MAGI2: variants seen among roughly 807,000 people sequenced by gnomAD.
MAGI2 encodes membrane-associated guanylate kinase, WW and PDZ domain-containing protein 2.
MAGI2 carries 35 observed loss-of-function variants against 133.3 expected under a neutral mutation model. That is an observed-to-expected ratio of 0.26 (90% CI 0.20 to 0.35). MAGI2 has a LOEUF of 0.35. MAGI2 is among the 10% of genes least tolerant of loss of function. The pLI is 1.00. For missense variants in MAGI2, 1,636 were observed against 1,863.4 expected, an observed-to-expected ratio of 0.88 and a Z score of 2.25; for synonymous variants, 729 against 710.6, an observed-to-expected ratio of 1.03 and a Z score of -0.41.
chr7:78,019,802 ACGT>A lies in MAGI2; in HGVS notation c.3878_3880del (p.Asp1293del), dbSNP rs1434001522. ...GGCTGAAAGCTCCTTTGGTTTCCTA[ACGT>A]CGTGTTCCCGTTTGATATCCCAAGT... On this transcript the variant is annotated inframe_deletion, in exon 22 of 22. Coordinates refer to ENST00000354212, the MANE Select transcript of MAGI2 (RefSeq NM_012301.4). The A allele has an allele frequency of 1.2e-6, 2 of 1,613,062 alleles. No individual in the cohort carries two copies. Among genetic ancestry groups the A allele is most frequent in the African/African-American group, 2.7e-5 (2 of 74,862 alleles).
At chr7:78,153,414 C>T (rs1177435490) in intron 16 of MAGI2, among the ~76,000 whole-genome samples, 1 of 152,168 alleles carries the variant, frequency 6.6e-6, no homozygotes, top group South Asian at 2.1e-4. Context: ...GGGACTGCCT[C>T]TTGCTGCCAT....
At chr7:78,920,097 A>C (rs1799113402) in intron 2 of MAGI2, among the ~76,000 whole-genome samples, 1 of 152,106 alleles carries the variant, frequency 6.6e-6, no homozygotes, top group African/African-American at 2.4e-5. Context: ...ATTTTTACTA[A>C]GCCTCTATGA....
intron 2 of MAGI2, among the ~76,000 whole-genome samples, chr7:78,678,842 T>C (rs190063230): frequency 1.3e-5 from 2 of 152,264 alleles, no homozygotes; most frequent in East Asian, 3.9e-4. Flanking sequence ...GTCTCTTGTT[T>C]TATTTTTGAA....
chr7:78,592,473 A>T (rs1188382299), intron 3 of MAGI2, among the ~76,000 whole-genome samples: 1 of 152,146 alleles, frequency 6.6e-6, no homozygotes, highest in Non-Finnish European at 1.5e-5. Flanking sequence ...GAGCAAGGGG[A>T]TAGAAGGCCC....
At chr7:79,082,047 C>T (rs1183631056) in intron 1 of MAGI2, among the ~76,000 whole-genome samples, 2 of 151,974 alleles carry the variant, frequency 1.3e-5, no homozygotes, top group Non-Finnish European at 2.9e-5. Flanking sequence ...CAAATGTTTG[C>T]TCATTTGTTA....
In MAGI2 at chr7:78,243,253, ACACACACACACACACACTCTCT is replaced by A. The variant is rs764905089; in HGVS notation, c.2047+12668_2047+12689del. On this transcript the variant is annotated intron_variant, in intron 10 of 21. Transcript: ENST00000354212. ...CACACACACACACACACACACACAC[ACACACACACACACACACTCTCT>A]CTCTCTCTCTCTTATAAAACAAATG... 3.8e-3 allele frequency among the ~76,000 whole-genome samples: 155 copies of A among 41,008 alleles called. 1 individual carries two copies. Among genetic ancestry groups the A allele is most frequent in the Non-Finnish European group, 7.3e-3 (110 of 14,968 alleles). The allele number at this position is 41,008 out of a possible 152,430, so 26.9% of individuals were successfully genotyped here.
At chr7:78,792,907 T>C (rs1487937408) in intron 2 of MAGI2, among the ~76,000 whole-genome samples, 2 of 152,254 alleles carry the variant, frequency 1.3e-5, no homozygotes, top group Non-Finnish European at 2.9e-5. Context: ...GAATTTATAC[T>C]TCAAAACAGA....
chr7:78,214,391 C>T (rs569496689), intron 10 of MAGI2, among the ~76,000 whole-genome samples: 1 of 152,302 alleles, frequency 6.6e-6, no homozygotes, highest in East Asian at 1.9e-4. Context: ...ATGCCATCCT[C>T]CATTTAAAAA....
intron 1 of MAGI2, among the ~76,000 whole-genome samples, chr7:79,070,313 C>CT (rs1814835160): frequency 6.6e-6 from 1 of 151,658 alleles, no homozygotes; most frequent in African/African-American, 2.4e-5. Context: ...TCTTTTCATT[C>CT]TTTTTTCTCT....
At chr7:78,266,697 C>T (rs1794048279) in intron 9 of MAGI2, among the ~76,000 whole-genome samples, 1 of 151,950 alleles carries the variant, frequency 6.6e-6, no homozygotes, top group Non-Finnish European at 1.5e-5. Flanking sequence ...CCTGTCTCAG[C>T]CTCCCGAGTA....
At chr7:78,736,349 C>A (rs764256152) in intron 2 of MAGI2, among the ~76,000 whole-genome samples, 2 of 152,144 alleles carry the variant, frequency 1.3e-5, no homozygotes, top group East Asian at 3.9e-4. Context: ...ACTTTAGCGA[C>A]GCTCTGCCTG....
chr7:78,160,486 G>A (rs1824866256), intron 15 of MAGI2, among the ~76,000 whole-genome samples: 1 of 152,194 alleles, frequency 6.6e-6, no homozygotes, highest in African/African-American at 2.4e-5. Flanking sequence ...ATAGCAAACA[G>A]AGGTGAAACC....
intron 1 of MAGI2, among the ~76,000 whole-genome samples, chr7:79,324,526 C>CAT (rs72246651): frequency 0.96 from 31,083 of 32,250 alleles, 15,234 homozygotes; most frequent in Middle Eastern, 1. Flanking sequence ...ATATATACAC[C>CAT]ATATATATAT....
chr7:78,854,703 A>G (rs1793473385), intron 2 of MAGI2, among the ~76,000 whole-genome samples: 1 of 146,278 alleles, frequency 6.8e-6, no homozygotes, highest in Non-Finnish European at 1.5e-5. Context: ...TGAAATTTCC[A>G]TTTTCCCAAG....
intron 9 of MAGI2, among the ~76,000 whole-genome samples, chr7:78,260,237 A>G (rs1793386066): frequency 6.6e-6 from 1 of 152,228 alleles, no homozygotes. Context: ...ATATTAATAG[A>G]CTGTGCTGTA....
chr7:78,306,699 G>A (rs769323676), intron 9 of MAGI2, among the ~76,000 whole-genome samples: 1 of 152,138 alleles, frequency 6.6e-6, no homozygotes, highest in Non-Finnish European at 1.5e-5. Flanking sequence ...AATGTTGGAA[G>A]TTCTGGGAAA....
chr7:79,051,471 A>G (rs983410652), intron 1 of MAGI2, among the ~76,000 whole-genome samples: 4 of 152,208 alleles, frequency 2.6e-5, no homozygotes, highest in Admixed American at 2.6e-4. Flanking sequence ...TCAGTGCAAC[A>G]TGTGAAACTA....
intron 21 of MAGI2, among the ~76,000 whole-genome samples, chr7:78,058,454 A>G (rs1209755404): frequency 6.7e-6 from 1 of 148,760 alleles, no homozygotes; most frequent in African/African-American, 2.5e-5. Flanking sequence ...CACTATTTGA[A>G]TGTTCACATA....
At chr7:78,548,778 A>C (rs1175749054) in intron 3 of MAGI2, among the ~76,000 whole-genome samples, 2 of 152,372 alleles carry the variant, frequency 1.3e-5, no homozygotes, top group African/African-American at 4.8e-5. Flanking sequence ...AACTGAATAC[A>C]GTTTTAGAGA....
Sources: allele counts gnomAD v4.1 joint callset (sites outside exome capture counted in the v4.1 genomes callset), GRCh38; gene constraint gnomAD v4.1.1; transcripts MANE v1.5; gene names NCBI Gene and HGNC (gene_info 2026-07-23, HGNC 2026-07-21).